NVL: variants seen among roughly 807,000 people sequenced by gnomAD.
The protein encoded by NVL is nuclear VCP like.
Under a neutral mutation model 110.2 loss-of-function variants are expected in NVL, and 84 were observed. The observed-to-expected ratio is 0.76, with a 90% confidence interval of 0.64 to 0.91. The LOEUF is 0.91. NVL is among the 40% of genes least tolerant of loss of function. The probability of loss-of-function intolerance (pLI) is 0.00; values close to 1 mark genes in which losing one functional copy is unlikely to be tolerated. For missense variants in NVL, 882 were observed against 1,035.9 expected (o/e 0.85, Z 2.04); for synonymous variants, 354 against 361.1 (o/e 0.98, Z 0.22).
At chr1:224,271,737 G>T (rs1665127649) in intron 17 of NVL, among the ~76,000 whole-genome samples, 1 of 152,074 alleles carries the variant, frequency 6.6e-6, no homozygotes, top group South Asian at 2.1e-4. Context: ...CATTTGCCAG[G>T]CGCGGTGGCT....
Position 224,227,595 on chromosome 1 carries a change from G to T in NVL, c.*31C>A. The T allele has an allele frequency of 6.3e-7, 1 of 1,598,790 alleles. No homozygotes were observed. The highest frequency in any genetic ancestry group is 8.6e-7 in the Non-Finnish European group (1 of 1,169,282). On this transcript the variant is annotated 3_prime_UTR_variant, in exon 23 of 23. Transcript: ENST00000281701. Reference sequence around the variant, plus strand: ...GGGGGATTCTCTGCCGGCTTGATGGGCTAGCTCCTCTAAGCCGGCTGCTGG... The same window carrying T: ...GGGGGATTCTCTGCCGGCTTGATGGTCTAGCTCCTCTAAGCCGGCTGCTGG...
intron 16 of NVL, among the ~76,000 whole-genome samples, chr1:224,278,900 G>A (rs1484616104): frequency 1.3e-5 from 2 of 151,914 alleles, no homozygotes; most frequent in Admixed American, 6.6e-5. Flanking sequence ...AATTTTATGG[G>A]GTTTTTTTGT....
In NVL at chr1:224,268,047, G is replaced by T; in HGVS notation, c.2169C>A (p.Ala723=). 6.2e-7 allele frequency: 1 copy of T among 1,612,806 alleles called. No homozygotes were observed. Among genetic ancestry groups the T allele is most frequent in the Non-Finnish European group, 8.5e-7 (1 of 1,179,036 alleles). The change falls in exon 18 of 23, where the codon GCC becomes GCA. Residue 723 remains alanine, a synonymous_variant. Transcript: ENST00000281701. ...TTTATTTCTTACCTGGCCTGTTAGT[G>T]GCTGCCATAATAAAAACCTGCTGGC... ...EARQQVFIMA[A]TNRPDIIDPA...
chr1:224,240,849 G>A (rs945015464), intron 19 of NVL, among the ~76,000 whole-genome samples: 1 of 142,060 alleles, frequency 7.0e-6, no homozygotes, highest in Admixed American at 7.3e-5. Context: ...GGAGTGTGAT[G>A]GCATGATCTC....
rs373118119 is a variant in NVL at position 224,280,299 on chromosome 1, T to C, written c.1962+824A>G. The stretch of plus-strand genomic sequence containing the variant: ...TTATTAATTACAATCTTTAAAAATA[T>C]GTTACACTCTTGACTTAAAGCCTCT... On this transcript the variant is annotated intron_variant, in intron 16 of 22. Transcript: ENST00000281701. 4.7e-3 allele frequency among the ~76,000 whole-genome samples: 718 copies of C among 151,968 alleles called. 2 individuals are homozygous for C. The highest frequency in any genetic ancestry group is 8.0e-3 in the Non-Finnish European group (547 of 67,988).
At chr1:224,249,963 G>A (rs760178620) in intron 19 of NVL, among the ~76,000 whole-genome samples, 1 of 152,100 alleles carries the variant, frequency 6.6e-6, no homozygotes. Flanking sequence ...CCAAACTCCT[G>A]GGTTCACCTC....
chr1:224,275,518 A>T (rs943178040), intron 16 of NVL, 60 bp from the exon 17 acceptor site: 1 of 1,605,452 alleles, frequency 6.2e-7, no homozygotes, highest in African/African-American at 1.3e-5. Context: ...TTTGGGTCAA[A>T]TGATACTAAA....
chr1:224,236,599 A>G lies in NVL; in HGVS notation c.2290-17T>C. 1 of 1,605,234 alleles carries G rather than the reference A, an allele frequency of 6.2e-7. No individual in the cohort carries two copies. Among genetic ancestry groups the G allele is most frequent in the Non-Finnish European group, 8.5e-7 (1 of 1,172,082 alleles). On this transcript the variant is annotated splice_polypyrimidine_tract_variant and intron_variant, in intron 19 of 22. Transcript: ENST00000281701. ...GGTACCATTCTAAGTAAGAGAGAAA[A>G]ATGATTTTTCATTGGAGCTTTAAAG...
At chr1:224,247,112 G>A (rs1195954593) in intron 19 of NVL, among the ~76,000 whole-genome samples, 2 of 151,476 alleles carry the variant, frequency 1.3e-5, no homozygotes, top group African/African-American at 2.4e-5. Context: ...CTATGATGCA[G>A]TCATCATCAA....
chr1:224,326,348 G>T, intron 2 of NVL, 43 bp downstream of exon 2: 1 of 1,410,862 alleles, frequency 7.1e-7, no homozygotes, highest in Non-Finnish European at 9.9e-7. Context: ...AAATGGTAAA[G>T]GAGACATAAA....
At chr1:224,229,322 A>T (rs975334295) in intron 22 of NVL, among the ~76,000 whole-genome samples, 2 of 151,980 alleles carry the variant, frequency 1.3e-5, no homozygotes, top group Admixed American at 6.6e-5. Flanking sequence ...TAAATAAATA[A>T]ATAAAAAGAG....
intron 16 of NVL, among the ~76,000 whole-genome samples, chr1:224,280,654 G>A (rs1666227921): frequency 6.6e-6 from 1 of 152,082 alleles, no homozygotes; most frequent in Admixed American, 6.5e-5. Context: ...TTCTTTGTTG[G>A]AATATATCAT....
chr1:224,277,490 GT>G (rs1161811731), intron 16 of NVL, among the ~76,000 whole-genome samples: 1 of 152,150 alleles, frequency 6.6e-6, no homozygotes, highest in Non-Finnish European at 1.5e-5. Context: ...TTTGGAAATG[GT>G]AAACCAAGGT....
chr1:224,248,167 C>T (rs114917143), intron 19 of NVL, among the ~76,000 whole-genome samples: 290 of 152,294 alleles, frequency 1.9e-3, no homozygotes, highest in African/African-American at 6.5e-3. Flanking sequence ...GTAGATGCCA[C>T]CAGCTGCACA....
chr1:224,284,562 T>C (rs1450411669), intron 15 of NVL, among the ~76,000 whole-genome samples: 1 of 152,028 alleles, frequency 6.6e-6, no homozygotes, highest in African/African-American at 2.4e-5. Context: ...TTTACTTTAG[T>C]AGAGACAGGG....
At chr1:224,264,670 C>T (rs1421068832) in intron 18 of NVL, among the ~76,000 whole-genome samples, 5 of 152,134 alleles carry the variant, frequency 3.3e-5, no homozygotes, top group Non-Finnish European at 5.9e-5. Context: ...AACAATGTCA[C>T]GTGATAGTAT....
chr1:224,227,976 C>T lies in NVL; in HGVS notation c.2527-306G>A, dbSNP rs565370886. 27 of 171,930 alleles carry T rather than the reference C, an allele frequency of 1.6e-4. 1 individual carries two copies. The South Asian group carries it at 4.9e-3, about 31-fold the overall frequency. 10.7% of individuals were successfully genotyped at this position (171,930 alleles called of 1,614,324 possible). On this transcript the variant is annotated intron_variant, in intron 22 of 22. Coordinates refer to ENST00000281701, the MANE Select transcript of NVL (RefSeq NM_002533.4). ...CAGCCATCAGTGAGGACAAAGGCTC[C>T]AGAAGAACCAATCCTGCCCAACACT... is the stretch of plus-strand genomic sequence containing the variant.
At chr1:224,304,971 G>A (rs1312933766) in intron 7 of NVL, 63 bp downstream of exon 7, 1 of 1,593,762 alleles carries the variant, frequency 6.3e-7, no homozygotes, top group African/African-American at 1.3e-5. Flanking sequence ...AATAGCTTGG[G>A]ACAGAATGAT....
At chr1:224,306,401 G>A (rs1265804331) in intron 6 of NVL, among the ~76,000 whole-genome samples, 1 of 152,076 alleles carries the variant, frequency 6.6e-6, no homozygotes, top group Non-Finnish European at 1.5e-5. Flanking sequence ...TAAGTAGCTG[G>A]GACTACAGGC....
Sources: allele counts gnomAD v4.1 joint callset (sites outside exome capture counted in the v4.1 genomes callset), GRCh38; gene constraint gnomAD v4.1.1; transcripts MANE v1.5; gene names NCBI Gene and HGNC (gene_info 2026-07-23, HGNC 2026-07-21).